The following CUL1 variants were observed in gnomAD, a reference collection of about 807,000 sequenced individuals.
CUL1 encodes the protein cullin 1.
In CUL1, 24 loss-of-function variants were observed where a neutral mutation model predicts 118.0. That is an observed-to-expected ratio of 0.20 (90% CI 0.15 to 0.29). The LOEUF is 0.29. Ranked by LOEUF, CUL1 falls within the 10% of genes least tolerant of loss-of-function variation. The pLI, the probability that CUL1 is intolerant of heterozygous loss-of-function variation, is 1.00. For missense variants in CUL1, 361 were observed against 933.8 expected, an observed-to-expected ratio of 0.39 and a Z score of 7.99; for synonymous variants, 332 against 340.4, an observed-to-expected ratio of 0.98 and a Z score of 0.27.
intron 1 of CUL1, among the ~76,000 whole-genome samples, chr7:148,700,051 G>A (rs1372707734): frequency 2.6e-5 from 4 of 152,210 alleles, no homozygotes; most frequent in Non-Finnish European, 5.9e-5. Context: ...TTTTCTCCCT[G>A]GCTGGCTTTG....
intron 2 of CUL1, among the ~76,000 whole-genome samples, chr7:148,743,753 C>T (rs1268013288): frequency 1.3e-5 from 2 of 152,110 alleles, no homozygotes. Context: ...CGTGATGAAA[C>T]CCTGTCTCTA....
chr7:148,786,471 T>C (rs1392418180), intron 11 of CUL1, 80 bp from the exon 12 acceptor site: 14 of 1,092,884 alleles, frequency 1.3e-5, no homozygotes, highest in African/African-American at 1.5e-5. Flanking sequence ...TTTTGAATGC[T>C]TGAAGCTGCA....
chr7:148,717,771 C>G (rs1447946634), intron 1 of CUL1, among the ~76,000 whole-genome samples: 1 of 152,146 alleles, frequency 6.6e-6, no homozygotes, highest in Non-Finnish European at 1.5e-5. Context: ...CTGTTCAAAT[C>G]CTGCTCATCC....
At chr7:148,764,132 T>G (rs574346895) in intron 7 of CUL1, among the ~76,000 whole-genome samples, 1 of 152,326 alleles carries the variant, frequency 6.6e-6, no homozygotes, top group South Asian at 2.1e-4. Context: ...CATACTTCAT[T>G]AATTTGCTTG....
At chr7:148,757,940 G>GGT (rs1431067977) in intron 4 of CUL1, among the ~76,000 whole-genome samples, 1 of 152,194 alleles carries the variant, frequency 6.6e-6, no homozygotes, top group Non-Finnish European at 1.5e-5. Flanking sequence ...CTCCCACTGG[G>GGT]TGCCTCCCGC....
intron 11 of CUL1, among the ~76,000 whole-genome samples, chr7:148,785,145 G>A (rs61375443): frequency 0.084 from 12,835 of 152,120 alleles, 675 homozygotes; most frequent in African/African-American, 0.14. Context: ...AACTCTGAGT[G>A]TTTGATTTTT....
At chr7:148,720,383 A>G (rs2129459291) in intron 1 of CUL1, among the ~76,000 whole-genome samples, 1 of 152,288 alleles carries the variant, frequency 6.6e-6, no homozygotes, top group Admixed American at 6.5e-5. Flanking sequence ...AGAAGGAGAT[A>G]GAATTCATAG....
intron 9 of CUL1, among the ~76,000 whole-genome samples, chr7:148,779,730 G>A (rs1433960905): frequency 6.6e-6 from 1 of 152,218 alleles, no homozygotes; most frequent in Non-Finnish European, 1.5e-5. Flanking sequence ...GTTGTTACAA[G>A]TTGTGATGAT....
At chr7:148,764,723 A>C (rs1407029887) in intron 7 of CUL1, among the ~76,000 whole-genome samples, 1 of 152,240 alleles carries the variant, frequency 6.6e-6, no homozygotes, top group Non-Finnish European at 1.5e-5. Context: ...GGAACATTAG[A>C]TATAAAGCAG....
At position 148,792,824 on chromosome 7, in the gene CUL1, C is replaced by T; in HGVS notation, c.1899+6C>T. On this transcript the variant is annotated splice_donor_region_variant and intron_variant, in intron 17 of 21. Coordinates refer to ENST00000325222, the MANE Select transcript of CUL1 (RefSeq NM_003592.3). ...ACAGCACTCAAATTAAAATGGTATT[C>T]TCATCTCAGGCTCGTTGTTCTATCA... 1 of 1,601,116 alleles carries T rather than the reference C, an allele frequency of 6.2e-7. No homozygotes were observed. Among genetic ancestry groups the T allele is most frequent in the Non-Finnish European group, 8.5e-7 (1 of 1,170,004 alleles).
At chr7:148,799,743 T>C (rs1392035994) in intron 21 of CUL1, among the ~76,000 whole-genome samples, 1 of 152,178 alleles carries the variant, frequency 6.6e-6, no homozygotes, top group Non-Finnish European at 1.5e-5. Context: ...TTGCCTGCTT[T>C]TGCGTGATAC....
chr7:148,781,078 G>GGTTTTTT (rs1800611287), intron 9 of CUL1, among the ~76,000 whole-genome samples: 1 of 41,556 alleles, frequency 2.4e-5, no homozygotes, highest in African/African-American at 1.7e-4. Context: ...TTCAAGGCCA[G>GGTTTTTT]ATTTTTTTTT....
chr7:148,741,725 C>G (rs1388686463), intron 2 of CUL1, among the ~76,000 whole-genome samples: 1 of 143,490 alleles, frequency 7.0e-6, no homozygotes, highest in Non-Finnish European at 1.5e-5. Context: ...AGGTGCGCAT[C>G]ACCATGCCCA....
chr7:148,703,944 A>T (rs1797801301), intron 1 of CUL1, among the ~76,000 whole-genome samples: 1 of 152,234 alleles, frequency 6.6e-6, no homozygotes, highest in South Asian at 2.1e-4. Context: ...CAGCATGGCG[A>T]TCTCAAGATG....
intron 11 of CUL1, among the ~76,000 whole-genome samples, chr7:148,786,172 G>A (rs994462648): frequency 1.4e-4 from 22 of 152,138 alleles, no homozygotes; most frequent in Non-Finnish European, 1.5e-5. Flanking sequence ...GGGAATCTAT[G>A]TGCCTTTTTA....
At chr7:148,751,424 C>T (rs756800687) in intron 2 of CUL1, among the ~76,000 whole-genome samples, 10 of 150,330 alleles carry the variant, frequency 6.7e-5, no homozygotes, top group East Asian at 5.9e-4. Context: ...GGCAGGCGCC[C>T]GTAATCACAT....
At position 148,705,228 on chromosome 7, in the gene CUL1, C is replaced by A. The variant is rs1376803603; in HGVS notation, c.-162+6199C>A. Among the ~76,000 whole-genome samples the A allele has an allele frequency of 2.6e-5, 4 of 152,164 alleles. No homozygotes were observed. In the East Asian group the frequency reaches 7.7e-4, roughly 29 times the overall value. On this transcript the variant is annotated intron_variant, in intron 1 of 21. Transcript: ENST00000325222. ...AGATTAGGTACTAATGAATTGTCTT[C>A]AGTGTGGAAGTTTCTTTTTTTTAGT...
At chr7:148,714,391 T>G (rs1488957716) in intron 1 of CUL1, among the ~76,000 whole-genome samples, 1 of 152,214 alleles carries the variant, frequency 6.6e-6, no homozygotes, top group Non-Finnish European at 1.5e-5. Flanking sequence ...ATACAGTACA[T>G]TATTATTAAC....
intron 16 of CUL1, among the ~76,000 whole-genome samples, chr7:148,792,216 C>T (rs1801039507): frequency 6.6e-6 from 1 of 151,832 alleles, no homozygotes; most frequent in South Asian, 2.1e-4. Context: ...ATTTAGTACA[C>T]TTGCCATTTC....
Sources: allele counts gnomAD v4.1 joint callset (sites outside exome capture counted in the v4.1 genomes callset), GRCh38; gene constraint gnomAD v4.1.1; transcripts MANE v1.5; gene names NCBI Gene and HGNC (gene_info 2026-07-23, HGNC 2026-07-21).